Variants in SMYD3 observed in about 807,000 individuals in gnomAD.
SMYD3 encodes the protein histone-lysine N-methyltransferase SMYD3.
SMYD3 carries 36 observed loss-of-function variants against 57.7 expected under a neutral mutation model. That is an observed-to-expected ratio of 0.62 (90% CI 0.48 to 0.82). The LOEUF is 0.82. SMYD3 is among the 40% of genes least tolerant of loss of function. SMYD3 has a pLI of 0.00. For missense variants in SMYD3, 515 were observed against 538.8 expected (o/e 0.96, Z 0.44); for synonymous variants, 211 against 195.0 (o/e 1.08, Z -0.68).
At chr1:245,833,003 C>T (rs189280171) in intron 10 of SMYD3, among the ~76,000 whole-genome samples, 1 of 143,968 alleles carries the variant, frequency 6.9e-6, no homozygotes, top group Non-Finnish European at 1.5e-5. Context: ...TTCCACGATC[C>T]ATTCCTAGAC....
At chr1:245,882,349 T>C (rs901827960) in intron 8 of SMYD3, among the ~76,000 whole-genome samples, 3 of 152,160 alleles carry the variant, frequency 2.0e-5, no homozygotes, top group Non-Finnish European at 4.4e-5. Flanking sequence ...TCTTCTGGTT[T>C]TCAACAAAAA....
rs139297285 is a variant in SMYD3, at chr1:246,304,940, G to A, written c.531+22261C>T. Among the ~76,000 whole-genome samples, 34 of 152,242 alleles carry A rather than the reference G, an allele frequency of 2.2e-4. No individual in the cohort carries two copies. The East Asian group carries it at 6.2e-3, about 28-fold the overall frequency. On this transcript the variant is annotated intron_variant, in intron 5 of 11. Transcript: ENST00000490107. ...TTATGTTCCTGCACTCCATCATTAA[G>A]AGCAGCCTTGCTTGCTACAGCCCAC... is the stretch of plus-strand genomic sequence containing the variant.
chr1:246,077,728 T>A (rs1167677695), intron 5 of SMYD3, among the ~76,000 whole-genome samples: 1 of 152,136 alleles, frequency 6.6e-6, no homozygotes, highest in Non-Finnish European at 1.5e-5. Context: ...TAGATGCCAC[T>A]ACTCTATGTG....
At chr1:245,762,551 G>A (rs968338798) in intron 11 of SMYD3, among the ~76,000 whole-genome samples, 1 of 152,202 alleles carries the variant, frequency 6.6e-6, no homozygotes, top group Non-Finnish European at 1.5e-5. Context: ...GGCTGCAACA[G>A]ACGGTGCGGT....
intron 5 of SMYD3, among the ~76,000 whole-genome samples, chr1:245,943,044 A>G (rs2057305980): frequency 6.6e-6 from 1 of 152,022 alleles, no homozygotes; most frequent in African/African-American, 2.4e-5. Context: ...AAAGACCTCA[A>G]ATCGACATCC....
chr1:246,326,260 T>C, intron 5 of SMYD3: 1 of 503,526 alleles, frequency 2.0e-6, no homozygotes, highest in Admixed American at 3.9e-5. Flanking sequence ...TGTTATTAAA[T>C]TGTGATCAAC....
At chr1:246,444,894 T>G (rs1032364795) in intron 1 of SMYD3, among the ~76,000 whole-genome samples, 2 of 152,130 alleles carry the variant, frequency 1.3e-5, no homozygotes, top group Admixed American at 6.5e-5. Flanking sequence ...ATACGCAAAT[T>G]TGACATAGGG....
intron 5 of SMYD3, among the ~76,000 whole-genome samples, chr1:246,008,504 G>A (rs1056553826): frequency 5.9e-5 from 9 of 152,180 alleles, no homozygotes; most frequent in Non-Finnish European, 1.2e-4. Context: ...CTTAGAAGTC[G>A]GCTGGGATCC....
chr1:246,258,473 T>C (rs192830097), intron 5 of SMYD3, among the ~76,000 whole-genome samples: 2 of 152,372 alleles, frequency 1.3e-5, no homozygotes, highest in African/African-American at 4.8e-5. Context: ...TCTTCATTTA[T>C]GAAGCTTCAT....
chr1:246,046,968 T>C (rs1235967958), intron 5 of SMYD3, among the ~76,000 whole-genome samples: 5 of 151,990 alleles, frequency 3.3e-5, no homozygotes, highest in African/African-American at 1.2e-4. Context: ...AAACTCTATA[T>C]AACAAACAGA....
chr1:246,463,833 CAAA>C (rs35826530), intron 1 of SMYD3, among the ~76,000 whole-genome samples: 414 of 70,478 alleles, frequency 5.9e-3, no homozygotes, highest in South Asian at 0.035. Flanking sequence ...GACCCCGTCT[CAAA>C]AAAAAAAAAA....
chr1:245,927,934 C>A lies in SMYD3; in HGVS notation c.699G>T (p.Glu233Asp). Residue 233 changes from glutamate (E) to aspartate (D), a missense_variant, in exon 7 of 12, where the codon GAG (glutamate) becomes GAT (aspartate). By Grantham distance (45) the Glu-to-Asp change is conservative. Coordinates refer to ENST00000490107, the MANE Select transcript of SMYD3 (RefSeq NM_001167740.2). ...TGGGAAGCATGAGTTTCCTTACCTC[C>A]TCTCCCACCTCGATGTCTCGGACTG... The part of the protein sequence containing the change: ...LRAVRDIEVG[E>D]ELTICYLDML... The A allele has an allele frequency of 6.2e-7, 1 of 1,610,382 alleles. No homozygotes were observed. The highest frequency in any genetic ancestry group is 8.5e-7 in the Non-Finnish European group (1 of 1,177,972).
At chr1:245,898,516 C>G (rs1370387761) in intron 8 of SMYD3, among the ~76,000 whole-genome samples, 1 of 152,162 alleles carries the variant, frequency 6.6e-6, no homozygotes, top group African/African-American at 2.4e-5. Flanking sequence ...AAAGATAATG[C>G]TGAATGCTTG....
intron 1 of SMYD3, among the ~76,000 whole-genome samples, chr1:246,462,457 G>A (rs769315116): frequency 5.3e-5 from 8 of 152,180 alleles, no homozygotes; most frequent in South Asian, 2.1e-4. Flanking sequence ...ATAGGCCCCC[G>A]ACTGTGCCAC....
rs141885891 is a variant in SMYD3 at position 245,987,839 on chromosome 1, G to A, written c.532-57902C>T. On this transcript the variant is annotated intron_variant, in intron 5 of 11. Transcript: ENST00000490107. ...GTAACATGGAAGACAGAACAGCTTC[G>A]TTGTATTCTAAAGCAGGAGTCCTCC... 5.0e-3 allele frequency among the ~76,000 whole-genome samples: 761 copies of A among 152,246 alleles called. 6 individuals carry two copies. The highest frequency in any genetic ancestry group is 0.017 in the African/African-American group (709 of 41,544).
chr1:246,220,470 T>C (rs12041683), intron 5 of SMYD3, among the ~76,000 whole-genome samples: 53,153 of 151,978 alleles, frequency 0.35, 10,242 homozygotes, highest in East Asian at 0.79. Flanking sequence ...CAGCTGTGGA[T>C]CCAGACATCC....
At chr1:246,096,436 G>C (rs11582012) in intron 5 of SMYD3, 70,867 of 152,042 alleles carry the variant, frequency 0.47, 20,445 homozygotes, top group Non-Finnish European at 0.65. Context: ...AAGTATAGCT[G>C]AATAAACAGA....
rs891623761 is a variant in SMYD3, at chr1:246,395,312, C to T, written c.165-40218G>A. 1.3e-5 allele frequency among the ~76,000 whole-genome samples: 2 copies of T among 152,322 alleles called. 1 individual carries two copies. The highest frequency in any genetic ancestry group is 1.3e-4 in the Admixed American group (2 of 15,298). ...TGTAGAAATATATCTTAACATTTTG[C>T]TCCATCCTTCAAATGTTTCAATGAA... is the stretch of plus-strand genomic sequence containing the variant. On this transcript the variant is annotated intron_variant, in intron 1 of 11. Transcript: ENST00000490107.
chr1:246,316,026 A>G (rs1199031843), intron 5 of SMYD3, among the ~76,000 whole-genome samples: 1 of 152,156 alleles, frequency 6.6e-6, no homozygotes, highest in Non-Finnish European at 1.5e-5. Context: ...TCTAAAACAT[A>G]TTTGTTTTTT....
Sources: allele counts gnomAD v4.1 joint callset (sites outside exome capture counted in the v4.1 genomes callset), GRCh38; gene constraint gnomAD v4.1.1; transcripts MANE v1.5; gene names NCBI Gene and HGNC (gene_info 2026-07-23, HGNC 2026-07-21).